The following NCKAP5 variants were observed in gnomAD, a reference collection of about 807,000 sequenced individuals.
The protein encoded by NCKAP5 is NCK associated protein 5.
Under a neutral mutation model 167.0 loss-of-function variants are expected in NCKAP5, and 92 were observed. The ratio of observed to expected loss-of-function variants is 0.55; its 90% CI spans 0.47 to 0.66. The LOEUF is 0.66. NCKAP5 is among the 30% of genes least tolerant of loss of function. NCKAP5 has a pLI of 0.00. For missense variants in NCKAP5, 2,378 were observed against 2,315.0 expected (o/e 1.03, Z -0.56); for synonymous variants, 891 against 877.4 (o/e 1.02, Z -0.27).
At chr2:133,207,329 G>T (rs1267054836) in intron 5 of NCKAP5, among the ~76,000 whole-genome samples, 1 of 151,990 alleles carries the variant, frequency 6.6e-6, no homozygotes, top group Non-Finnish European at 1.5e-5. Flanking sequence ...GCTCTTTTGG[G>T]GGCTGGTTTC....
Position 132,785,109 on chromosome 2 carries a change from G to T in NCKAP5, c.1702C>A (p.Gln568Lys), listed in dbSNP as rs1683443347. ...QVQRERGPQGQGHGRMALNLQ... is the reference protein window; with the variant it reads ...QVQRERGPQGKGHGRMALNLQ... ...TTGAGAGCCATGCGGCCATGGCCTT[G>T]GCCCTGTGGGCCCCTCTCCCTCTGT... The change falls in exon 14 of 20, where the codon CAA becomes AAA. Residue 568 changes from glutamine (Q) to lysine (K), a missense_variant. By Grantham distance (53) the Gln-to-Lys change is moderately conservative. Around this residue, in one of 3 missense-constraint regions of NCKAP5, gnomAD observed 1,049 missense variants for 1,023.4 expected, o/e 1.02. Transcript: ENST00000409261. 2 of 1,613,810 alleles carry T rather than the reference G, an allele frequency of 1.2e-6. No individual in the cohort carries two copies. Among genetic ancestry groups the T allele is most frequent in the Non-Finnish European group, 8.5e-7 (1 of 1,179,848 alleles).
intron 3 of NCKAP5, among the ~76,000 whole-genome samples, chr2:133,316,738 G>A (rs1681637511): frequency 6.6e-6 from 1 of 152,154 alleles, no homozygotes; most frequent in South Asian, 2.1e-4. Context: ...GGAATGGGTG[G>A]TGCCCAGGAT....
intron 3 of NCKAP5, among the ~76,000 whole-genome samples, chr2:133,494,858 C>T (rs1232778458): frequency 6.6e-6 from 1 of 152,166 alleles, no homozygotes; most frequent in Non-Finnish European, 1.5e-5. Flanking sequence ...GGAAAATCTA[C>T]ATTTTGTCGA....
intron 3 of NCKAP5, among the ~76,000 whole-genome samples, chr2:133,420,104 G>T (rs1488763682): frequency 6.6e-6 from 1 of 152,194 alleles, no homozygotes; most frequent in African/African-American, 2.4e-5. Flanking sequence ...TGGGGTAAGA[G>T]AATCTATTAG....
chr2:133,496,137 T>C lies in NCKAP5; in HGVS notation c.69+21321A>G, dbSNP rs191312603. 2.6e-3 allele frequency among the ~76,000 whole-genome samples: 402 copies of C among 152,306 alleles called. 1 individual carries two copies. Among genetic ancestry groups the C allele is most frequent in the Middle Eastern group, 0.017 (5 of 294 alleles). On this transcript the variant is annotated intron_variant, in intron 3 of 19. Transcript: ENST00000409261. ...CTTGCTTAACAAATCAGCCCTTGAA[T>C]CTTCTTGAGTCCCTGATTGATTACG... is the stretch of plus-strand genomic sequence containing the variant.
intron 9 of NCKAP5, among the ~76,000 whole-genome samples, chr2:132,869,198 A>C (rs1193750569): frequency 1.3e-5 from 2 of 152,194 alleles, no homozygotes; most frequent in Non-Finnish European, 2.9e-5. Context: ...AGATGGTTAC[A>C]CTTAAAAGAT....
chr2:132,782,666 G>A lies in NCKAP5; in HGVS notation c.4145C>T (p.Pro1382Leu), dbSNP rs1224687304. 1 of 1,612,850 alleles carries A rather than the reference G, an allele frequency of 6.2e-7. No homozygotes were observed. Among genetic ancestry groups the A allele is most frequent in the South Asian group, 1.1e-5 (1 of 90,864 alleles). Reference protein sequence around the residue: ...IPPKSEGLLIPPGKEDQQAFT... With the variant: ...IPPKSEGLLILPGKEDQQAFT... The stretch of plus-strand genomic sequence containing the variant: ...GGCCTGCTGGTCTTCCTTTCCAGGT[G>A]GGATGAGGAGTCCCTCAGACTTTGG... The change falls in exon 14 of 20, where the codon CCA becomes CTA. Residue 1382 changes from proline (P) to leucine (L), a missense_variant. By Grantham distance (98) the Pro-to-Leu change is moderately conservative (BLOSUM62 -3). Coordinates refer to ENST00000409261, the MANE Select transcript of NCKAP5 (RefSeq NM_207363.3).
At chr2:132,754,090 G>A (rs1479581859) in intron 16 of NCKAP5, among the ~76,000 whole-genome samples, 1 of 152,200 alleles carries the variant, frequency 6.6e-6, no homozygotes, top group East Asian at 1.9e-4. Flanking sequence ...AGGGCTTTGT[G>A]ACCTGCTGCT....
intron 2 of NCKAP5, among the ~76,000 whole-genome samples, chr2:133,518,760 A>G (rs1575095245): frequency 6.6e-6 from 1 of 152,304 alleles, no homozygotes; most frequent in Non-Finnish European, 1.5e-5. Flanking sequence ...CAATCAAATG[A>G]TGTATGGGAA....
chr2:133,156,688 A>T (rs923995913), intron 5 of NCKAP5, among the ~76,000 whole-genome samples: 3 of 152,018 alleles, frequency 2.0e-5, no homozygotes, highest in Non-Finnish European at 4.4e-5. Flanking sequence ...ATTATTTGTG[A>T]CCGGGATAAT....
chr2:132,893,387 C>G (rs1574542855), intron 8 of NCKAP5, among the ~76,000 whole-genome samples: 1 of 152,286 alleles, frequency 6.6e-6, no homozygotes, highest in African/African-American at 2.4e-5. Context: ...TTCTAGCCCT[C>G]AGACAGAAAT....
intron 11 of NCKAP5, among the ~76,000 whole-genome samples, chr2:132,859,201 G>T (rs1184667759): frequency 6.6e-6 from 1 of 152,166 alleles, no homozygotes; most frequent in Non-Finnish European, 1.5e-5. Flanking sequence ...TTTAGGAGAT[G>T]AGATCTATTT....
intron 6 of NCKAP5, chr2:133,123,198 C>T (rs2082302662): frequency 6.6e-6 from 1 of 152,272 alleles, no homozygotes; most frequent in Non-Finnish European, 1.5e-5. Flanking sequence ...ACCATTTCAT[C>T]ATTTATTAGG....
the NCKAP5 span, among the ~76,000 whole-genome samples, chr2:133,626,777 A>AT: frequency 6.6e-6 from 1 of 152,028 alleles, no homozygotes; most frequent in Non-Finnish European, 1.5e-5. Context: ...TATTAACTGA[A>AT]TTTTTAAAAT....
At chr2:133,376,553 G>A (rs566005769) in intron 3 of NCKAP5, among the ~76,000 whole-genome samples, 4 of 152,180 alleles carry the variant, frequency 2.6e-5, no homozygotes, top group South Asian at 2.1e-4. Context: ...TGACTTCTTC[G>A]TCACTGTGCC....
At chr2:132,898,720 G>C (rs1375256058) in intron 8 of NCKAP5, among the ~76,000 whole-genome samples, 1 of 152,192 alleles carries the variant, frequency 6.6e-6, no homozygotes, top group Non-Finnish European at 1.5e-5. Context: ...CATAGTTTAT[G>C]AGTAGTAATA....
At chr2:132,944,592 C>T (rs1045719979) in intron 8 of NCKAP5, among the ~76,000 whole-genome samples, 4 of 152,196 alleles carry the variant, frequency 2.6e-5, no homozygotes, top group Non-Finnish European at 5.9e-5. Flanking sequence ...CTAAGCTTCT[C>T]GACCTCACCA....
chr2:133,429,635 A>G (rs1213432358), intron 3 of NCKAP5, among the ~76,000 whole-genome samples: 1 of 152,152 alleles, frequency 6.6e-6, no homozygotes, highest in African/African-American at 2.4e-5. Context: ...ATGTTGCTAC[A>G]AGGGACATAA....
intron 11 of NCKAP5, among the ~76,000 whole-genome samples, chr2:132,820,728 A>G (rs1395516897): frequency 6.6e-6 from 1 of 152,178 alleles, no homozygotes; most frequent in Non-Finnish European, 1.5e-5. Flanking sequence ...ATTCAAGAAT[A>G]AGCAAGATGG....
Sources: allele counts gnomAD v4.1 joint callset (sites outside exome capture counted in the v4.1 genomes callset), GRCh38; gene constraint gnomAD v4.1.1; regional missense constraint gnomAD v4.1.1; transcripts MANE v1.5; gene names NCBI Gene and HGNC (gene_info 2026-07-23, HGNC 2026-07-21).